The following GNPTAB variants were observed in gnomAD, a reference collection of about 807,000 sequenced individuals.
The protein encoded by GNPTAB is N-acetylglucosamine-1-phosphotransferase subunits alpha/beta.
GNPTAB carries 92 observed loss-of-function variants against 136.6 expected under a neutral mutation model. That is an observed-to-expected ratio of 0.67 (90% CI 0.57 to 0.80). The LOEUF (loss-of-function observed/expected upper bound fraction) is 0.80. GNPTAB is among the 30% of genes least tolerant of loss of function. The pLI is 0.00. For synonymous variants in GNPTAB, 512 were observed against 535.1 expected (o/e 0.96, Z 0.60); for missense variants, 1,343 against 1,501.8 (o/e 0.89, Z 1.75).
At chr12:101,781,486 C>T (rs1953342490) in intron 5 of GNPTAB, among the ~76,000 whole-genome samples, 1 of 152,106 alleles carries the variant, frequency 6.6e-6, no homozygotes, top group African/African-American at 2.4e-5. Context: ...GGCAACATGG[C>T]AAAACCCTGT....
chr12:101,823,478 T>A lies in GNPTAB; in HGVS notation c.117+7081A>T, dbSNP rs1484773355. On this transcript the variant is annotated intron_variant, in intron 1 of 20. Transcript: ENST00000299314. ...TACAAAAATTAGCCAGGTGTTGTGGTGGGTGCCTGTAATCCCAGCTACTCG... is the reference window on the plus strand; with the variant it reads ...TACAAAAATTAGCCAGGTGTTGTGGAGGGTGCCTGTAATCCCAGCTACTCG... Among the ~76,000 whole-genome samples, 3 of 151,858 alleles carry A rather than the reference T, an allele frequency of 2.0e-5. No individual in the cohort carries two copies. The East Asian group carries it at 5.8e-4, about 29-fold the overall frequency.
At chr12:101,828,392 G>A (rs1296826844) in intron 1 of GNPTAB, among the ~76,000 whole-genome samples, 2 of 152,208 alleles carry the variant, frequency 1.3e-5, no homozygotes, top group African/African-American at 2.4e-5. Flanking sequence ...TAGGCTGGTC[G>A]TGGTGGCTCA....
intron 17 of GNPTAB, 36 bp from the exon 18 acceptor site, chr12:101,757,346 T>TTACATGGATATAAAAAATAA: frequency 8.4e-7 from 1 of 1,187,968 alleles, no homozygotes; most frequent in South Asian, 1.3e-5. Flanking sequence ...GTTTAAATAA[T>TTACATGGATATAAAAAATAA]TACATGGATA....
chr12:101,807,838 A>C (rs7979041), intron 1 of GNPTAB, among the ~76,000 whole-genome samples: 1 of 151,990 alleles, frequency 6.6e-6, no homozygotes, highest in Non-Finnish European at 1.5e-5. Context: ...ACTGAGGCAC[A>C]ATAGCACCAC....
chr12:101,787,072 A>G (rs1868696756), intron 4 of GNPTAB, among the ~76,000 whole-genome samples: 1 of 152,238 alleles, frequency 6.6e-6, no homozygotes, highest in Non-Finnish European at 1.5e-5. Flanking sequence ...ATACTTATTC[A>G]GAACCATAAA....
At position 101,830,904 on chromosome 12, in the gene GNPTAB, T is replaced by TGCGGCCGGGGAG. The variant is rs951960936; in HGVS notation, c.-230_-229insCTCCCCGGCCGC. On this transcript the variant is annotated 5_prime_UTR_variant, in exon 1 of 21. Coordinates refer to ENST00000299314, the MANE Select transcript of GNPTAB (RefSeq NM_024312.5). Reference sequence around the variant, plus strand: ...GCCCTCGGCGCGGCGGAGGCGGACCTGCGGCCGGCGAGGCGGCCGGCGCCG... The same window carrying TGCGGCCGGGGAG: ...GCCCTCGGCGCGGCGGAGGCGGACCTGCGGCCGGGGAGGCGGCCGGCGAGGCGGCCGGCGCCG... The TGCGGCCGGGGAG allele has an allele frequency of 6.8e-6, 1 of 146,106 alleles. No individual in the cohort carries two copies. Among genetic ancestry groups the TGCGGCCGGGGAG allele is most frequent in the African/African-American group, 2.5e-5 (1 of 40,118 alleles). 9.1% of individuals were successfully genotyped at this position (146,106 alleles called of 1,614,324 possible).
At chr12:101,749,066 C>T (rs778116487) in intron 20 of GNPTAB, 35 bp downstream of exon 20, 14 of 1,151,582 alleles carry the variant, frequency 1.2e-5, no homozygotes. Flanking sequence ...CCAAGAAATA[C>T]CATTTAATAC....
intron 11 of GNPTAB, among the ~76,000 whole-genome samples, chr12:101,766,997 A>C (rs1029768030): frequency 2.6e-5 from 4 of 152,194 alleles, no homozygotes; most frequent in Non-Finnish European, 4.4e-5. Flanking sequence ...ATCAAATGCT[A>C]ATGTTCCAGT....
At chr12:101,804,793 G>A (rs1869848471) in intron 1 of GNPTAB, among the ~76,000 whole-genome samples, 1 of 152,154 alleles carries the variant, frequency 6.6e-6, no homozygotes, top group Admixed American at 6.5e-5. Flanking sequence ...AAATACACAA[G>A]GTGGCAAGTC....
chr12:101,788,255 G>C (rs1195342263), intron 4 of GNPTAB, among the ~76,000 whole-genome samples: 1 of 152,188 alleles, frequency 6.6e-6, no homozygotes, highest in Non-Finnish European at 1.5e-5. Context: ...AAGATACAGT[G>C]TAAGTGGACC....
chr12:101,757,947 G>A (rs1312789462), intron 16 of GNPTAB, among the ~76,000 whole-genome samples: 3 of 151,906 alleles, frequency 2.0e-5, no homozygotes, highest in Non-Finnish European at 4.4e-5. Flanking sequence ...GTACACAGAC[G>A]AGCTGCTCTT....
At chr12:101,827,243 C>G (rs1007202528) in intron 1 of GNPTAB, among the ~76,000 whole-genome samples, 1 of 152,032 alleles carries the variant, frequency 6.6e-6, no homozygotes, top group African/African-American at 2.4e-5. Flanking sequence ...ATCCTCCCAC[C>G]CCAGTCTCCC....
chr12:101,766,302 T>G lies in GNPTAB; in HGVS notation c.1409-8A>C, dbSNP rs533124195. 9 of 1,610,666 alleles carry G rather than the reference T, an allele frequency of 5.6e-6. No homozygotes were observed. The African/African-American group carries it at 1.2e-4, about 22-fold the overall frequency. On this transcript the variant is annotated splice_polypyrimidine_tract_variant and splice_region_variant and intron_variant, in intron 11 of 20. Coordinates refer to ENST00000299314, the MANE Select transcript of GNPTAB (RefSeq NM_024312.5). ...GACTCCCTCCACTGTTTCCTGTAGA[T>G]CGGAGGAAGAAGAGGGATTCTTGCT...
At chr12:101,753,651 A>G (rs2137102303) in intron 18 of GNPTAB, 112 bp from the exon 19 acceptor site, 2 of 845,836 alleles carry the variant, frequency 2.4e-6, no homozygotes, top group Non-Finnish European at 2.0e-6. Flanking sequence ...CCAAGTTGGT[A>G]TATTTGCTGA....
At chr12:101,805,205 T>TA (rs1204737348) in intron 1 of GNPTAB, among the ~76,000 whole-genome samples, 1 of 152,208 alleles carries the variant, frequency 6.6e-6, no homozygotes, top group African/African-American at 2.4e-5. Flanking sequence ...AAAATTGTCA[T>TA]AAAAAAGTTT....
rs113667119 is a variant in GNPTAB, at chr12:101,760,882, C to T, written c.3135+245G>A. On this transcript the variant is annotated intron_variant, in intron 15 of 20. Transcript: ENST00000299314. ...GCAACCTCCACCTCCCAGGGTGAAG[C>T]GTTTCTCCTGTCTCAGCCTCCCAAG... Among the ~76,000 whole-genome samples, 511 of 151,232 alleles carry T rather than the reference C, an allele frequency of 3.4e-3. 5 individuals are homozygous for T. Among genetic ancestry groups the T allele is most frequent in the African/African-American group, 0.011 (469 of 41,186 alleles).
At chr12:101,783,326 G>C (rs1868452566) in intron 5 of GNPTAB, among the ~76,000 whole-genome samples, 1 of 152,086 alleles carries the variant, frequency 6.6e-6, no homozygotes. Context: ...AAAGTAATCT[G>C]AGAAGAGCAA....
chr12:101,777,937 G>A (rs1953283300), intron 7 of GNPTAB, among the ~76,000 whole-genome samples: 1 of 152,190 alleles, frequency 6.6e-6, no homozygotes, highest in Admixed American at 6.5e-5. Context: ...TGTGTGATTA[G>A]CTTGATGCTC....
At chr12:101,757,441 TACTA>T (rs1952917891) in intron 17 of GNPTAB, 127 bp downstream of exon 17, 2 of 759,792 alleles carry the variant, frequency 2.6e-6, no homozygotes, top group African/African-American at 3.5e-5. Flanking sequence ...CTTTTAATAC[TACTA>T]CAGCAAACAA....
Sources: gnomAD v4.1 joint callset for allele counts (sites outside exome capture counted in the v4.1 genomes callset) on GRCh38, gnomAD v4.1.1 for gene constraint, MANE v1.5 for transcripts, NCBI Gene and HGNC (gene_info 2026-07-23, HGNC 2026-07-21) for gene names.